The following ZDHHC2 variants were observed in gnomAD, a reference collection of about 807,000 sequenced individuals.
ZDHHC2 encodes palmitoyltransferase ZDHHC2.
In ZDHHC2, 51 loss-of-function variants were observed where a neutral mutation model predicts 55.6. That is an observed-to-expected ratio of 0.92 (90% confidence interval 0.73 to 1.16). The LOEUF (loss-of-function observed/expected upper bound fraction) is 1.16. Ranked by LOEUF, ZDHHC2 falls within the 50% of genes most tolerant of loss-of-function variation. The probability of loss-of-function intolerance (pLI) is 0.00; values close to 1 mark genes in which losing one functional copy is unlikely to be tolerated. For missense variants in ZDHHC2, 491 were observed against 442.4 expected (o/e 1.11, Z -0.99); for synonymous variants, 199 against 152.9 (o/e 1.30, Z -2.22).
At chr8:17,199,546 T>TGTCTTCTGTCTTCGTCTTCGTCTTC (rs1554466114) in intron 6 of ZDHHC2, among the ~76,000 whole-genome samples, 6 of 40,642 alleles carry the variant, frequency 1.5e-4, no homozygotes, top group African/African-American at 2.9e-4. Context: ...CTTCGTCTTC[T>TGTCTTCTGTCTTCGTCTTCGTCTTC]GTCTTCGTCT....
intron 2 of ZDHHC2, 65 bp from the exon 3 acceptor site, chr8:17,186,266 G>T (rs1805703356): frequency 1.9e-6 from 2 of 1,064,352 alleles, no homozygotes; most frequent in Admixed American, 4.9e-5. Flanking sequence ...CAGATCGGTT[G>T]TGACTGTCAT....
chr8:17,208,167 T>G, intron 8 of ZDHHC2, 75 bp downstream of exon 8: 1 of 1,399,702 alleles, frequency 7.1e-7, no homozygotes, highest in African/African-American at 1.5e-5. Flanking sequence ...GCTATGTGAT[T>G]AAATGCCAAC....
At chr8:17,160,001 T>G (rs1804255012) in intron 1 of ZDHHC2, among the ~76,000 whole-genome samples, 1 of 152,170 alleles carries the variant, frequency 6.6e-6, no homozygotes, top group Non-Finnish European at 1.5e-5. Flanking sequence ...AGGTAACATT[T>G]GTACGGGGAA....
chr8:17,202,841 C>T (rs183206700), intron 6 of ZDHHC2, among the ~76,000 whole-genome samples: 6 of 152,062 alleles, frequency 3.9e-5, no homozygotes, highest in Non-Finnish European at 7.4e-5. Context: ...TACTGACCTC[C>T]TTTGTCCCTA....
At chr8:17,199,021 G>A (rs1315113919) in intron 6 of ZDHHC2, among the ~76,000 whole-genome samples, 3 of 152,098 alleles carry the variant, frequency 2.0e-5, no homozygotes, top group East Asian at 1.9e-4. Flanking sequence ...TCATCTCAGT[G>A]TAGGCATATC....
chr8:17,199,456 T>C (rs552526105), intron 6 of ZDHHC2, among the ~76,000 whole-genome samples: 2 of 150,708 alleles, frequency 1.3e-5, no homozygotes, highest in Non-Finnish European at 3.0e-5. Flanking sequence ...CCCCAGTGTC[T>C]TTAATAAGAC....
At chr8:17,185,273 G>A (rs1308814412) in intron 2 of ZDHHC2, among the ~76,000 whole-genome samples, 2 of 152,052 alleles carry the variant, frequency 1.3e-5, no homozygotes, top group South Asian at 2.1e-4. Flanking sequence ...ATTTAAATTA[G>A]CATATTTTAT....
In ZDHHC2 at chr8:17,209,951, A is replaced by G; in HGVS notation, c.750A>G (p.Val250=). The change falls in exon 9 of 13, where the codon GTA becomes GTG. Residue 250 remains valine (V), a synonymous_variant. Coordinates refer to ENST00000262096, the MANE Select transcript of ZDHHC2 (RefSeq NM_016353.5). Reference sequence around the variant, plus strand: ...TTTTAGAGGCATTCAGAAGTCCAGTATTTCGACATGGAACAGATAAGAATG... The same window carrying G: ...TTTTAGAGGCATTCAGAAGTCCAGTGTTTCGACATGGAACAGATAAGAATG... ...KSTLEAFRSP[V]FRHGTDKNGF... 1 of 1,610,140 alleles carries G rather than the reference A, an allele frequency of 6.2e-7. No individual in the cohort carries two copies. Among genetic ancestry groups the G allele is most frequent in the Non-Finnish European group, 8.5e-7 (1 of 1,178,300 alleles).
intron 5 of ZDHHC2, 134 bp from the exon 6 acceptor site, chr8:17,198,247 T>C (rs1806425142): frequency 2.7e-6 from 2 of 734,412 alleles, no homozygotes; most frequent in Admixed American, 7.3e-5. Flanking sequence ...TTATCCAATT[T>C]TTAGATAAGT....
At chr8:17,182,160 A>G (rs1167969778) in intron 1 of ZDHHC2, among the ~76,000 whole-genome samples, 2 of 152,188 alleles carry the variant, frequency 1.3e-5, no homozygotes, top group Admixed American at 1.3e-4. Context: ...ATCAGTGGCA[A>G]GTGATAAAAA....
rs1804181039 is a variant in ZDHHC2, at chr8:17,158,574, TG to T, written c.130+1725del. On this transcript the variant is annotated intron_variant, in intron 1 of 12. Transcript: ENST00000262096. Reference sequence around the variant, plus strand: ...ATTATTGTATTGGGTAGACAGGTGATGGGGAAGGAACTAAATGGAAAATTGG... The same window carrying T: ...ATTATTGTATTGGGTAGACAGGTGATGGGAAGGAACTAAATGGAAAATTGG... Among the ~76,000 whole-genome samples the T allele has an allele frequency of 3.3e-5, 5 of 152,342 alleles. No homozygotes were observed. The South Asian group carries it at 1.0e-3, about 32-fold the overall frequency.
rs1260456911 is a variant in ZDHHC2 at position 17,224,378 on chromosome 8, A to C, written c.*4157A>C. 1 of 151,650 alleles carries C rather than the reference A, an allele frequency of 6.6e-6. No homozygotes were observed. Among genetic ancestry groups the C allele is most frequent in the African/African-American group, 2.4e-5 (1 of 41,376 alleles). 9.4% of individuals were successfully genotyped at this position (151,650 alleles called of 1,614,324 possible). On this transcript the variant is annotated 3_prime_UTR_variant, in exon 13 of 13. Coordinates refer to ENST00000262096, the MANE Select transcript of ZDHHC2 (RefSeq NM_016353.5). ...TCTGAGTGATTTGAGTAGCAATTAA[A>C]CCAAAGGGAAACTTTTAATAAGTTA...
Position 17,224,159 on chromosome 8 carries a change from C to G in ZDHHC2, c.*3938C>G, listed in dbSNP as rs956449343. 4 of 151,620 alleles carry G rather than the reference C, an allele frequency of 2.6e-5. No individual in the cohort carries two copies. The highest frequency in any genetic ancestry group is 9.7e-5 in the African/African-American group (4 of 41,386). The allele number at this position is 151,620 out of a possible 1,614,324, so 9.4% of individuals were successfully genotyped here. On this transcript the variant is annotated 3_prime_UTR_variant, in exon 13 of 13. Coordinates refer to ENST00000262096, the MANE Select transcript of ZDHHC2 (RefSeq NM_016353.5). ...ATTGTTCTTATACCAGCAAAAAGTT[C>G]AAATACAATAACCTGGGCAATGCCA...
intron 6 of ZDHHC2, among the ~76,000 whole-genome samples, chr8:17,198,812 T>C (rs941000907): frequency 6.6e-6 from 1 of 152,238 alleles, no homozygotes; most frequent in Non-Finnish European, 1.5e-5. Context: ...CAATTTATTT[T>C]ACACAGAATT....
chr8:17,168,764 G>C (rs1036414996), intron 1 of ZDHHC2, among the ~76,000 whole-genome samples: 7 of 151,894 alleles, frequency 4.6e-5, no homozygotes, highest in African/African-American at 9.7e-5. Context: ...TTTGAATCTA[G>C]TTTATTTCAC....
chr8:17,199,503 T>TTCA (rs1402172161), intron 6 of ZDHHC2, among the ~76,000 whole-genome samples: 7 of 63,248 alleles, frequency 1.1e-4, no homozygotes, highest in African/African-American at 3.3e-4. Flanking sequence ...CTTCTTCTTC[T>TTCA]TCTTCTTCTT....
At chr8:17,161,994 A>G (rs921887837) in intron 1 of ZDHHC2, among the ~76,000 whole-genome samples, 7 of 152,242 alleles carry the variant, frequency 4.6e-5, no homozygotes, top group African/African-American at 9.6e-5. Flanking sequence ...TAAAAACTCA[A>G]CATTTCTTCA....
chr8:17,189,310 C>G (rs564673633), intron 3 of ZDHHC2, among the ~76,000 whole-genome samples: 160 of 152,144 alleles, frequency 1.1e-3, no homozygotes, highest in African/African-American at 3.6e-3. Context: ...TCGGCTTTCC[C>G]TGCACCTTAC....
chr8:17,165,959 G>A (rs1255264146), intron 1 of ZDHHC2, among the ~76,000 whole-genome samples: 2 of 152,178 alleles, frequency 1.3e-5, no homozygotes, highest in East Asian at 1.9e-4. Flanking sequence ...AGAGCAAGGA[G>A]GTCATTTTGG....
Sources: allele counts gnomAD v4.1 joint callset (sites outside exome capture counted in the v4.1 genomes callset), GRCh38; gene constraint gnomAD v4.1.1; transcripts MANE v1.5; gene names NCBI Gene and HGNC (gene_info 2026-07-23, HGNC 2026-07-21).